Variants in TBCK observed in about 807,000 individuals in gnomAD.
The protein encoded by TBCK is TBC domain-containing protein kinase-like protein.
TBCK carries 99 observed loss-of-function variants against 113.4 expected under a neutral mutation model. That is an observed-to-expected ratio of 0.87 (90% confidence interval 0.74 to 1.03). The LOEUF (loss-of-function observed/expected upper bound fraction) is 1.03. Ranked by LOEUF, TBCK falls within the 50% of genes least tolerant of loss-of-function variation. The pLI is 0.00. For missense variants in TBCK, 1,045 were observed against 1,061.3 expected (o/e 0.98, Z 0.21); for synonymous variants, 369 against 370.8 (o/e 1.00, Z 0.05).
chr4:106,278,994 T>C (rs73838196), intron 3 of TBCK, among the ~76,000 whole-genome samples: 1 of 152,262 alleles, frequency 6.6e-6, no homozygotes, highest in African/African-American at 2.4e-5. Context: ...CCTTCTACCC[T>C]CACACTTTAT....
chr4:106,046,767 A>ATTAAT, intron 25 of TBCK, 87 bp from the exon 26 acceptor site: 1 of 639,888 alleles, frequency 1.6e-6, no homozygotes, highest in South Asian at 2.0e-5. Context: ...GAAAGACAAA[A>ATTAAT]TTAATTTAAT....
intron 23 of TBCK, among the ~76,000 whole-genome samples, chr4:106,124,228 C>A (rs1744846691): frequency 1.3e-5 from 2 of 152,192 alleles, no homozygotes; most frequent in Admixed American, 1.3e-4. Context: ...GACATTTATG[C>A]AGCCAAAAAA....
chr4:106,281,727 C>T (rs111462469), intron 3 of TBCK, among the ~76,000 whole-genome samples: 4,097 of 152,104 alleles, frequency 0.027, 177 homozygotes, highest in African/African-American at 0.094. Flanking sequence ...AATTGATTTG[C>T]GTATGTTGAA....
intron 23 of TBCK, among the ~76,000 whole-genome samples, chr4:106,160,062 T>A (rs879590020): frequency 6.6e-5 from 10 of 152,036 alleles, no homozygotes; most frequent in Admixed American, 6.6e-4. Flanking sequence ...CTGGAAAAAC[T>A]GTATATCTCC....
intron 19 of TBCK, among the ~76,000 whole-genome samples, chr4:106,223,173 T>TA (rs1453244912): frequency 6.6e-6 from 1 of 152,136 alleles, no homozygotes; most frequent in Non-Finnish European, 1.5e-5. Flanking sequence ...GCACATATAT[T>TA]AAAAGTAATG....
chr4:106,119,436 G>A (rs1413989555), intron 23 of TBCK, among the ~76,000 whole-genome samples: 9 of 151,596 alleles, frequency 5.9e-5, no homozygotes, highest in Non-Finnish European at 1.2e-4. Flanking sequence ...TCAATAAATG[G>A]TGCTAGAAAA....
intron 23 of TBCK, among the ~76,000 whole-genome samples, chr4:106,122,805 G>A (rs1351024019): frequency 3.9e-5 from 6 of 152,022 alleles, no homozygotes; most frequent in African/African-American, 1.4e-4. Context: ...TGCAGAAAAA[G>A]CCTTTGACAA....
chr4:106,219,417 AG>A (rs1757407080), intron 19 of TBCK, among the ~76,000 whole-genome samples: 1 of 150,920 alleles, frequency 6.6e-6, no homozygotes, highest in Non-Finnish European at 1.5e-5. Context: ...AAAAATTAAA[AG>A]TATAAAAAAA....
chr4:106,082,969 T>C (rs917740505), intron 25 of TBCK, among the ~76,000 whole-genome samples: 7 of 152,376 alleles, frequency 4.6e-5, no homozygotes, highest in African/African-American at 1.7e-4. Flanking sequence ...GATTGGAAGA[T>C]ACACTTGCGA....
intron 22 of TBCK, among the ~76,000 whole-genome samples, chr4:106,193,282 T>C (rs1488406625): frequency 6.6e-6 from 1 of 152,192 alleles, no homozygotes; most frequent in Non-Finnish European, 1.5e-5. Context: ...GGCCTTTCTA[T>C]ACTTTCCATC....
chr4:106,314,586 T>C (rs1387984622), intron 1 of TBCK, among the ~76,000 whole-genome samples: 1 of 151,860 alleles, frequency 6.6e-6, no homozygotes, highest in Admixed American at 6.6e-5. Flanking sequence ...TTGCACTTTA[T>C]TATTCAATCC....
intron 14 of TBCK, 56 bp from the exon 15 acceptor site, chr4:106,235,423 G>T: frequency 8.2e-7 from 1 of 1,217,056 alleles, no homozygotes; most frequent in Non-Finnish European, 1.2e-6. Context: ...CCATCTTTTA[G>T]TCTAGACAGT....
chr4:106,261,900 T>A (rs769839932), intron 4 of TBCK, among the ~76,000 whole-genome samples, 198 bp downstream of exon 4: 1 of 151,864 alleles, frequency 6.6e-6, no homozygotes, highest in Non-Finnish European at 1.5e-5. Flanking sequence ...GTGAAAGATA[T>A]ACAGATTAAA....
intron 19 of TBCK, among the ~76,000 whole-genome samples, chr4:106,224,828 A>G (rs1758063290): frequency 2.0e-5 from 3 of 152,144 alleles, no homozygotes; most frequent in African/African-American, 4.8e-5. Flanking sequence ...ACCTATTCTC[A>G]CCAATGAAAT....
chr4:106,254,852 T>C (rs2150074881), intron 5 of TBCK: 1 of 152,486 alleles, frequency 6.6e-6, no homozygotes, highest in Non-Finnish European at 1.5e-5. Context: ...CCTAAGAGTA[T>C]ACTATTACAC....
At chr4:106,280,095 A>C (rs1264043024) in intron 3 of TBCK, among the ~76,000 whole-genome samples, 2 of 151,990 alleles carry the variant, frequency 1.3e-5, no homozygotes, top group East Asian at 1.9e-4. Flanking sequence ...GCCAACATTT[A>C]TTCTTGTCTG....
intron 18 of TBCK, 60 bp downstream of exon 18, chr4:106,231,669 G>A: frequency 6.7e-7 from 1 of 1,497,576 alleles, no homozygotes; most frequent in Non-Finnish European, 9.1e-7. Flanking sequence ...CCTTTCATGT[G>A]TGAATCAAAT....
intron 23 of TBCK, among the ~76,000 whole-genome samples, chr4:106,130,006 C>G (rs965688272): frequency 1.3e-5 from 2 of 152,218 alleles, no homozygotes; most frequent in South Asian, 4.1e-4. Context: ...TCTTATCTAT[C>G]TTCTGGTAAC....
At chr4:106,209,463 C>T (rs915829751) in intron 20 of TBCK, among the ~76,000 whole-genome samples, 1 of 152,106 alleles carries the variant, frequency 6.6e-6, no homozygotes, top group African/African-American at 2.4e-5. Flanking sequence ...ATGTTTTATA[C>T]TTTCTGTAAC....
Sources: gnomAD v4.1 joint callset for allele counts (sites outside exome capture counted in the v4.1 genomes callset) on GRCh38, gnomAD v4.1.1 for gene constraint, MANE v1.5 for transcripts, NCBI Gene and HGNC (gene_info 2026-07-23, HGNC 2026-07-21) for gene names.